The following MKLN1 variants were observed in gnomAD, a reference collection of about 807,000 sequenced individuals.
MKLN1 encodes muskelin.
MKLN1 carries 18 observed loss-of-function variants against 99.0 expected under a neutral mutation model. That is an observed-to-expected ratio of 0.18 (90% CI 0.13 to 0.27). MKLN1 has a LOEUF of 0.27. Ranked by LOEUF, MKLN1 falls within the 10% of genes least tolerant of loss-of-function variation. The pLI is 1.00. For synonymous variants in MKLN1, 288 were observed against 293.2 expected (o/e 0.98, Z 0.18); for missense variants, 621 against 875.9 (o/e 0.71, Z 3.67).
At chr7:131,243,109 G>A (rs1433750928) in intron 3 of MKLN1, 2 of 355,788 alleles carry the variant, frequency 5.6e-6, no homozygotes, top group Non-Finnish European at 1.1e-5. Context: ...GTACATTTGA[G>A]ACAATAGTCA....
intron 3 of MKLN1, among the ~76,000 whole-genome samples, chr7:131,317,771 A>G (rs1584595305): frequency 1.3e-5 from 2 of 151,028 alleles, no homozygotes; most frequent in East Asian, 3.9e-4. Flanking sequence ...AAAGCAAAAA[A>G]AAAAAAAAAA....
intron 1 of MKLN1, among the ~76,000 whole-genome samples, chr7:131,127,798 T>C (rs1049017433): frequency 1.3e-5 from 2 of 152,188 alleles, no homozygotes; most frequent in Non-Finnish European, 2.9e-5. Context: ...ATTAACCACA[T>C]AGAAGTCTCC....
chr7:131,361,915 T>A (rs1343260727), intron 1 of MKLN1, among the ~76,000 whole-genome samples: 5 of 152,020 alleles, frequency 3.3e-5, no homozygotes, highest in Non-Finnish European at 7.4e-5. Context: ...TATTTTTATT[T>A]CATGTAACCA....
chr7:131,158,503 G>A (rs777593458), intron 2 of MKLN1, among the ~76,000 whole-genome samples: 1 of 152,146 alleles, frequency 6.6e-6, no homozygotes, highest in Non-Finnish European at 1.5e-5. Context: ...GTAGGACTGA[G>A]TGCCATTCCT....
intron 2 of MKLN1, among the ~76,000 whole-genome samples, chr7:131,193,925 G>C (rs1796604302): frequency 6.6e-6 from 1 of 150,982 alleles, no homozygotes; most frequent in Non-Finnish European, 1.5e-5. Context: ...ACAGGACCTT[G>C]TCCTTTTTCA....
intron 12 of MKLN1, among the ~76,000 whole-genome samples, chr7:131,460,032 T>G (rs1290268456): frequency 1.3e-5 from 2 of 152,218 alleles, no homozygotes; most frequent in Non-Finnish European, 2.9e-5. Context: ...GTCTGTAGTT[T>G]CATTCTGTCA....
At chr7:131,222,038 T>C (rs1368158079) in intron 3 of MKLN1, among the ~76,000 whole-genome samples, 2 of 152,114 alleles carry the variant, frequency 1.3e-5, no homozygotes, top group East Asian at 3.9e-4. Context: ...CTTGAGTAGC[T>C]GGGACTACAG....
intron 3 of MKLN1, among the ~76,000 whole-genome samples, chr7:131,225,142 T>C (rs1290993012): frequency 6.6e-6 from 1 of 151,572 alleles, no homozygotes; most frequent in Non-Finnish European, 1.5e-5. Context: ...GCTGCTGTAA[T>C]AAAATACCAT....
In MKLN1 at chr7:131,253,670, G is replaced by C. The variant is rs553419802; in HGVS notation, c.-179+50696G>C. Among the ~76,000 whole-genome samples the C allele has an allele frequency of 1.2e-3, 187 of 152,316 alleles. 2 individuals carry two copies. Among genetic ancestry groups the C allele is most frequent in the African/African-American group, 3.8e-3 (159 of 41,572 alleles). On this transcript the variant is annotated intron_variant, in intron 3 of 7. Transcript: ENST00000416992. ...CTGTCCCTGCCACAGTTCCAGAGCAGAGTCTCAGAGATTCTGTCCAAGAGA... is the reference window on the plus strand; with the variant it reads ...CTGTCCCTGCCACAGTTCCAGAGCACAGTCTCAGAGATTCTGTCCAAGAGA...
intron 3 of MKLN1, among the ~76,000 whole-genome samples, chr7:131,267,142 G>A (rs1488049406): frequency 1.3e-5 from 2 of 151,842 alleles, no homozygotes; most frequent in Non-Finnish European, 2.9e-5. Flanking sequence ...AGACCAGCTT[G>A]GCCAACATGG....
intron 3 of MKLN1, among the ~76,000 whole-genome samples, chr7:131,302,085 T>C (rs1798384261): frequency 6.6e-6 from 1 of 152,230 alleles, no homozygotes; most frequent in African/African-American, 2.4e-5. Context: ...AGGGATAGCG[T>C]TCATTAGGAA....
At chr7:131,417,300 C>T (rs1483595051) in intron 8 of MKLN1, among the ~76,000 whole-genome samples, 1 of 152,118 alleles carries the variant, frequency 6.6e-6, no homozygotes, top group Non-Finnish European at 1.5e-5. Flanking sequence ...GGGAATTATC[C>T]TGTTAGTAGA....
At chr7:131,144,314 T>TAA (rs879335494) in intron 2 of MKLN1, among the ~76,000 whole-genome samples, 1 of 148,912 alleles carries the variant, frequency 6.7e-6, no homozygotes, top group Non-Finnish European at 1.5e-5. Context: ...CCGTCTCTAC[T>TAA]AAAAAAAAAT....
chr7:131,278,794 C>T (rs1017433840), intron 3 of MKLN1, among the ~76,000 whole-genome samples: 5 of 151,104 alleles, frequency 3.3e-5, no homozygotes, highest in African/African-American at 4.9e-5. Flanking sequence ...GAGACAGGGT[C>T]TTACTACGTT....
intron 8 of MKLN1, among the ~76,000 whole-genome samples, chr7:131,424,516 CTAT>C (rs1795300600): frequency 6.6e-6 from 1 of 152,084 alleles, no homozygotes; most frequent in South Asian, 2.1e-4. Flanking sequence ...AATAAAAAGC[CTAT>C]TCCATTGTGC....
At chr7:131,174,423 G>T (rs1796263702) in intron 2 of MKLN1, among the ~76,000 whole-genome samples, 1 of 152,190 alleles carries the variant, frequency 6.6e-6, no homozygotes, top group African/African-American at 2.4e-5. Flanking sequence ...GCGGGGACAA[G>T]AAAGGTTTTA....
At chr7:131,420,507 C>T (rs1001450404) in intron 8 of MKLN1, among the ~76,000 whole-genome samples, 3 of 152,084 alleles carry the variant, frequency 2.0e-5, no homozygotes, top group African/African-American at 7.2e-5. Flanking sequence ...GTGGGTTGTT[C>T]AGCAACTTGA....
intron 1 of MKLN1, among the ~76,000 whole-genome samples, chr7:131,347,678 A>G (rs1411052324): frequency 6.6e-6 from 1 of 152,124 alleles, no homozygotes; most frequent in African/African-American, 2.4e-5. Flanking sequence ...TGGCTCGTTT[A>G]CTTTTACCTT....
chr7:131,386,714 C>T (rs977617557), intron 2 of MKLN1, among the ~76,000 whole-genome samples: 7 of 152,100 alleles, frequency 4.6e-5, no homozygotes, highest in Non-Finnish European at 5.9e-5. Context: ...ATTTTAGTGC[C>T]GCTTTCAAAC....
Sources: gnomAD v4.1 joint callset for allele counts (sites outside exome capture counted in the v4.1 genomes callset) on GRCh38, gnomAD v4.1.1 for gene constraint, MANE v1.5 for transcripts, NCBI Gene and HGNC (gene_info 2026-07-23, HGNC 2026-07-21) for gene names.